TRPC4: variants seen among roughly 807,000 people sequenced by gnomAD.
TRPC4 encodes short transient receptor potential channel 4.
TRPC4 carries 49 observed loss-of-function variants against 99.4 expected under a neutral mutation model. That is an observed-to-expected ratio of 0.49 (90% CI 0.39 to 0.63). The LOEUF (loss-of-function observed/expected upper bound fraction) is 0.63, where lower values mean the gene tolerates loss of function less well. Ranked by LOEUF, TRPC4 falls within the 20% of genes least tolerant of loss-of-function variation. The probability of loss-of-function intolerance (pLI) is 0.00; values close to 1 mark genes in which losing one functional copy is unlikely to be tolerated. For synonymous variants in TRPC4, 454 were observed against 425.9 expected, an observed-to-expected ratio of 1.07 and a Z score of -0.81; for missense variants, 898 against 1,152.9, an observed-to-expected ratio of 0.78 and a Z score of 3.20.
chr13:37,773,044 A>G (rs980958675), intron 2 of TRPC4, among the ~76,000 whole-genome samples: 1 of 151,754 alleles, frequency 6.6e-6, no homozygotes, highest in Non-Finnish European at 1.5e-5. Flanking sequence ...TTGTTAAATC[A>G]GTAACTTAAT....
chr13:37,850,867 C>T (rs542034608), intron 1 of TRPC4, among the ~76,000 whole-genome samples: 2 of 152,266 alleles, frequency 1.3e-5, no homozygotes, highest in African/African-American at 4.8e-5. Flanking sequence ...GCTCTCAAGG[C>T]ATTTGTCAAG....
At chr13:37,695,473 A>G (rs1172188970) in intron 3 of TRPC4, among the ~76,000 whole-genome samples, 1 of 152,148 alleles carries the variant, frequency 6.6e-6, no homozygotes, top group Non-Finnish European at 1.5e-5. Flanking sequence ...CATAGGAGGA[A>G]CTACCATCTT....
rs145288387 is a variant in TRPC4, at chr13:37,865,145, G to A, written c.-28+4450C>T. Among the ~76,000 whole-genome samples, 11 of 151,738 alleles carry A rather than the reference G, an allele frequency of 7.2e-5. No individual in the cohort carries two copies. In the East Asian group the frequency reaches 1.9e-3, roughly 27 times the overall value. On this transcript the variant is annotated intron_variant, in intron 1 of 10. Transcript: ENST00000379705. ...AATATCATGACAAATTCAGCTAATC[G>A]ATGTCTTTTGGGATGCATGAATGAG...
At chr13:37,691,919 C>G in intron 4 of TRPC4, 80 bp downstream of exon 4, 1 of 1,351,000 alleles carries the variant, frequency 7.4e-7, no homozygotes, top group Non-Finnish European at 1.0e-6. Flanking sequence ...AGGTCCCAAA[C>G]ATTAATGAAT....
intron 1 of TRPC4, among the ~76,000 whole-genome samples, chr13:37,808,662 T>C (rs1957593630): frequency 6.6e-6 from 1 of 151,976 alleles, no homozygotes; most frequent in Admixed American, 6.6e-5. Flanking sequence ...GTCCAGTCAT[T>C]GTGCTCCAAG....
chr13:37,862,205 A>G (rs977417891), intron 1 of TRPC4, among the ~76,000 whole-genome samples: 4 of 151,382 alleles, frequency 2.6e-5, no homozygotes, highest in Admixed American at 2.6e-4. Flanking sequence ...GGTGGTGAGA[A>G]TCCAGGTCAT....
intron 3 of TRPC4, among the ~76,000 whole-genome samples, chr13:37,719,140 A>G (rs997421283): frequency 1.3e-5 from 2 of 152,154 alleles, no homozygotes; most frequent in African/African-American, 4.8e-5. Flanking sequence ...TAAAATGCTG[A>G]CTACGAAAGA....
At chr13:37,750,938 C>T (rs1220942885) in intron 2 of TRPC4, among the ~76,000 whole-genome samples, 1 of 152,012 alleles carries the variant, frequency 6.6e-6, no homozygotes, top group East Asian at 1.9e-4. Context: ...CTTCACTGTG[C>T]TGTCTTTATC....
chr13:37,642,087 G>A (rs926123629), intron 8 of TRPC4, among the ~76,000 whole-genome samples: 35 of 152,108 alleles, frequency 2.3e-4, no homozygotes, highest in African/African-American at 7.5e-4. Context: ...CAGCTAAATC[G>A]TTAGATGCCT....
chr13:37,782,767 G>A (rs934013141), intron 2 of TRPC4, among the ~76,000 whole-genome samples, 189 bp downstream of exon 2: 1 of 151,244 alleles, frequency 6.6e-6, no homozygotes, highest in East Asian at 2.0e-4. Flanking sequence ...GCAAGTGGAC[G>A]TAACTATCAT....
At chr13:37,697,077 A>G (rs1226319230) in intron 3 of TRPC4, among the ~76,000 whole-genome samples, 1 of 152,108 alleles carries the variant, frequency 6.6e-6, no homozygotes, top group Non-Finnish European at 1.5e-5. Flanking sequence ...GTCATATCAC[A>G]TGATTAATCA....
At chr13:37,819,631 G>T (rs889507803) in intron 1 of TRPC4, among the ~76,000 whole-genome samples, 1 of 151,808 alleles carries the variant, frequency 6.6e-6, no homozygotes, top group Non-Finnish European at 1.5e-5. Flanking sequence ...AAGAACACAT[G>T]GGCACATAGA....
At chr13:37,809,257 A>C (rs1224931166) in intron 1 of TRPC4, among the ~76,000 whole-genome samples, 2 of 152,028 alleles carry the variant, frequency 1.3e-5, no homozygotes, top group Non-Finnish European at 2.9e-5. Flanking sequence ...TCAAAATTAG[A>C]ATAAGCAAAA....
intron 4 of TRPC4, among the ~76,000 whole-genome samples, chr13:37,688,764 G>A (rs1000199369): frequency 1.3e-5 from 2 of 152,104 alleles, no homozygotes; most frequent in Non-Finnish European, 2.9e-5. Context: ...GTCAGTTCAA[G>A]AAGACTTGAG....
At chr13:37,726,399 A>G (rs1453631835) in intron 3 of TRPC4, among the ~76,000 whole-genome samples, 1 of 152,150 alleles carries the variant, frequency 6.6e-6, no homozygotes, top group Non-Finnish European at 1.5e-5. Flanking sequence ...GTGTTATTGA[A>G]GTTAAGATGG....
At chr13:37,793,100 A>G (rs1957163079) in intron 1 of TRPC4, among the ~76,000 whole-genome samples, 1 of 152,196 alleles carries the variant, frequency 6.6e-6, no homozygotes, top group Admixed American at 6.5e-5. Flanking sequence ...GTCTGGTTAG[A>G]AGTTTTGAAA....
At chr13:37,857,510 T>C (rs1202921246) in intron 1 of TRPC4, among the ~76,000 whole-genome samples, 4 of 151,546 alleles carry the variant, frequency 2.6e-5, no homozygotes, top group African/African-American at 7.3e-5. Flanking sequence ...TTACTGACTT[T>C]GAATTATACT....
At chr13:37,742,292 T>C (rs1011892052) in intron 3 of TRPC4, among the ~76,000 whole-genome samples, 9 of 152,162 alleles carry the variant, frequency 5.9e-5, no homozygotes, top group African/African-American at 2.2e-4. Context: ...TTTAATATGT[T>C]GATTCATAAG....
At chr13:37,707,318 T>G (rs923948459) in intron 3 of TRPC4, among the ~76,000 whole-genome samples, 1 of 152,186 alleles carries the variant, frequency 6.6e-6, no homozygotes, top group Admixed American at 6.6e-5. Flanking sequence ...GCAACTTGTA[T>G]GTTTTGAGTA....
Sources: allele counts gnomAD v4.1 joint callset (sites outside exome capture counted in the v4.1 genomes callset), GRCh38; gene constraint gnomAD v4.1.1; transcripts MANE v1.5; gene names NCBI Gene and HGNC (gene_info 2026-07-23, HGNC 2026-07-21).